CORO2B: variants seen among roughly 807,000 people sequenced by gnomAD.
CORO2B encodes coronin 2B.
Under a neutral mutation model 58.8 loss-of-function variants are expected in CORO2B, and 26 were observed. The ratio of observed to expected loss-of-function variants is 0.44; its 90% CI spans 0.32 to 0.61. CORO2B has a LOEUF of 0.61. Among genes scored for constraint, CORO2B ranks in the 20% least tolerant of loss-of-function variants. The pLI is 0.04. For synonymous variants in CORO2B, 242 were observed against 253.8 expected (o/e 0.95, Z 0.44); for missense variants, 460 against 645.1 (o/e 0.71, Z 3.11).
the CORO2B span, among the ~76,000 whole-genome samples, chr15:68,520,458 A>C: frequency 6.6e-6 from 1 of 152,224 alleles, no homozygotes; most frequent in Non-Finnish European, 1.5e-5. Flanking sequence ...TAAATACATA[A>C]AAATTTGGAA....
At chr15:68,554,493 C>T in the CORO2B span, among the ~76,000 whole-genome samples, 4 of 152,150 alleles carry the variant, frequency 2.6e-5, no homozygotes, top group Non-Finnish European at 5.9e-5. Context: ...CAGGCACCTT[C>T]CTTTTGCAGA....
chr15:68,619,496 C>T (rs1307259539), intron 1 of CORO2B, among the ~76,000 whole-genome samples: 4 of 152,076 alleles, frequency 2.6e-5, no homozygotes, highest in Non-Finnish European at 5.9e-5. Flanking sequence ...GTGCCAGGTG[C>T]GTGCATCACA....
chr15:68,635,227 A>G (rs1413351887), intron 1 of CORO2B, among the ~76,000 whole-genome samples: 1 of 152,166 alleles, frequency 6.6e-6, no homozygotes, highest in Non-Finnish European at 1.5e-5. Flanking sequence ...ACTTTGGGCT[A>G]AGGGGGTGCA....
Position 68,627,347 on chromosome 15 carries a change from C to G in CORO2B, c.16-17813C>G, listed in dbSNP as rs553495200. 2.0e-5 allele frequency among the ~76,000 whole-genome samples: 3 copies of G among 152,302 alleles called. No homozygotes were observed. The South Asian group carries it at 6.2e-4, about 32-fold the overall frequency. On this transcript the variant is annotated intron_variant, in intron 1 of 11. Transcript: ENST00000261861. The stretch of plus-strand genomic sequence containing the variant: ...AAAGCAATGCACCAGGGCAGGGCAA[C>G]TTGCCCTCAGTGCCTGAGAGTGGTT...
intron 1 of CORO2B, among the ~76,000 whole-genome samples, chr15:68,618,737 G>T (rs1028916803): frequency 1.3e-5 from 2 of 152,204 alleles, no homozygotes; most frequent in African/African-American, 4.8e-5. Context: ...CTTGCCCAAG[G>T]TCACATGGCT....
At chr15:68,695,107 C>A in intron 2 of CORO2B, 33 bp from the exon 3 acceptor site, 1 of 1,560,230 alleles carries the variant, frequency 6.4e-7, no homozygotes, top group Non-Finnish European at 8.8e-7. Flanking sequence ...TCAAACTAAT[C>A]TCCTTCTCTC....
At chr15:68,643,960 C>T in intron 1 of CORO2B, among the ~76,000 whole-genome samples, 1 of 152,042 alleles carries the variant, frequency 6.6e-6, no homozygotes, top group Admixed American at 6.6e-5. Flanking sequence ...TCACTTGAAC[C>T]TGGGAGACGG....
At chr15:68,597,255 G>A (rs1899855316) in intron 1 of CORO2B, among the ~76,000 whole-genome samples, 1 of 152,182 alleles carries the variant, frequency 6.6e-6, no homozygotes, top group South Asian at 2.1e-4. Context: ...TGGGGTGACA[G>A]GGAGGGGAGA....
intron 2 of CORO2B, among the ~76,000 whole-genome samples, chr15:68,649,874 A>T (rs985124276): frequency 6.6e-6 from 1 of 152,098 alleles, no homozygotes; most frequent in African/African-American, 2.4e-5. Flanking sequence ...AAACCCCACT[A>T]TACACTCAAG....
At chr15:68,602,957 G>A (rs757025151) in intron 1 of CORO2B, among the ~76,000 whole-genome samples, 4 of 152,134 alleles carry the variant, frequency 2.6e-5, no homozygotes, top group Non-Finnish European at 4.4e-5. Context: ...ACACAGCTTT[G>A]CAATCCCTTG....
At chr15:68,577,718 C>T (rs1899314358), upstream of CORO2B, among the ~76,000 whole-genome samples, 1 of 71,332 alleles carries the variant, frequency 1.4e-5, no homozygotes, top group South Asian at 6.8e-4. Flanking sequence ...GAGACTACTC[C>T]GGTCTCAAAA....
intron 2 of CORO2B, among the ~76,000 whole-genome samples, chr15:68,657,822 A>G (rs1172846005): frequency 6.6e-6 from 1 of 152,178 alleles, no homozygotes; most frequent in Non-Finnish European, 1.5e-5. Context: ...GAAAATATAG[A>G]TGTAAGTTGT....
At chr15:68,632,777 A>G (rs756996964) in intron 1 of CORO2B, among the ~76,000 whole-genome samples, 21 of 152,110 alleles carry the variant, frequency 1.4e-4, no homozygotes, top group Non-Finnish European at 2.9e-4. Flanking sequence ...TTTTTAGTAG[A>G]GATGGGGTTT....
chr15:68,521,108 G>C, the CORO2B span, among the ~76,000 whole-genome samples: 2 of 151,844 alleles, frequency 1.3e-5, no homozygotes, highest in Non-Finnish European at 2.9e-5. Context: ...TTTAATTGGA[G>C]TATTTAGTTC....
intron 2 of CORO2B, among the ~76,000 whole-genome samples, chr15:68,677,884 C>T (rs1902639779): frequency 6.6e-6 from 1 of 152,156 alleles, no homozygotes; most frequent in African/African-American, 2.4e-5. Context: ...GTCCTGATCC[C>T]CTGGTTCAGC....
chr15:68,547,307 A>C, the CORO2B span, among the ~76,000 whole-genome samples: 1 of 152,196 alleles, frequency 6.6e-6, no homozygotes, highest in East Asian at 1.9e-4. Flanking sequence ...AGACCCTGTA[A>C]AAATTACCTG....
chr15:68,550,580 A>G, the CORO2B span, among the ~76,000 whole-genome samples: 2 of 152,202 alleles, frequency 1.3e-5, no homozygotes, highest in African/African-American at 4.8e-5. Flanking sequence ...AGTATGGAAG[A>G]TGCAATGGTA....
intron 1 of CORO2B, among the ~76,000 whole-genome samples, chr15:68,597,830 G>C (rs1899878030): frequency 6.6e-6 from 1 of 152,296 alleles, no homozygotes; most frequent in South Asian, 2.1e-4. Flanking sequence ...CTTGGCTGGT[G>C]TGGAGGCATC....
chr15:68,725,785 C>G (rs1893280543), intron 11 of CORO2B, 58 bp from the exon 12 acceptor site: 2 of 1,598,346 alleles, frequency 1.3e-6, no homozygotes, highest in Admixed American at 3.5e-5. Context: ...CTGGGAAATC[C>G]TTGTCTCACC....
Sources: allele counts gnomAD v4.1 joint callset (sites outside exome capture counted in the v4.1 genomes callset), GRCh38; gene constraint gnomAD v4.1.1; transcripts MANE v1.5; gene names NCBI Gene and HGNC (gene_info 2026-07-23, HGNC 2026-07-21).